RICTOR: variants seen among roughly 807,000 people sequenced by gnomAD.
RICTOR encodes the protein RPTOR independent companion of MTOR complex 2, also known as rapamycin-insensitive companion of mTOR.
Under a neutral mutation model 214.9 loss-of-function variants are expected in RICTOR, and 49 were observed. The ratio of observed to expected loss-of-function variants is 0.23; its 90% CI spans 0.18 to 0.29. The LOEUF (loss-of-function observed/expected upper bound fraction) is 0.29, where lower values mean the gene tolerates loss of function less well. Ranked by LOEUF, RICTOR falls within the 10% of genes least tolerant of loss-of-function variation. The pLI is 1.00. For missense variants in RICTOR, 1,625 were observed against 2,047.0 expected (o/e 0.79, Z 3.98); for synonymous variants, 717 against 711.3 (o/e 1.01, Z -0.13).
chr5:38,970,040 T>C (rs1188491510), intron 11 of RICTOR: 3 of 152,164 alleles, frequency 2.0e-5, no homozygotes, highest in African/African-American at 7.2e-5. Context: ...ACGAATTCCA[T>C]TGTGTTACAA....
intron 2 of RICTOR, among the ~76,000 whole-genome samples, chr5:39,039,227 A>G (rs1385085360): frequency 6.6e-6 from 1 of 152,222 alleles, no homozygotes; most frequent in Admixed American, 6.5e-5. Flanking sequence ...AGGATTCCCT[A>G]TTTAATAAAT....
chr5:39,010,967 T>C (rs1754461864), intron 3 of RICTOR, among the ~76,000 whole-genome samples: 1 of 152,148 alleles, frequency 6.6e-6, no homozygotes, highest in Non-Finnish European at 1.5e-5. Context: ...AAATTCAAGC[T>C]GGCCACAGAA....
At chr5:39,048,487 T>C (rs1757643093) in intron 2 of RICTOR, among the ~76,000 whole-genome samples, 1 of 152,142 alleles carries the variant, frequency 6.6e-6, no homozygotes, top group Non-Finnish European at 1.5e-5. Flanking sequence ...TACTTGGCAA[T>C]TCCTCAAATA....
intron 2 of RICTOR, among the ~76,000 whole-genome samples, chr5:39,034,657 C>T (rs1756530306): frequency 1.3e-5 from 2 of 152,230 alleles, no homozygotes; most frequent in Non-Finnish European, 2.9e-5. Flanking sequence ...AACGGCACAC[C>T]AGGAGATTAT....
intron 3 of RICTOR, among the ~76,000 whole-genome samples, chr5:39,006,223 T>C (rs1429574390): frequency 5.3e-5 from 8 of 152,236 alleles, no homozygotes; most frequent in African/African-American, 1.9e-4. Flanking sequence ...GGTTGGTGTC[T>C]GCACTTATTG....
At chr5:39,032,708 G>C (rs1756358391) in intron 2 of RICTOR, among the ~76,000 whole-genome samples, 1 of 152,272 alleles carries the variant, frequency 6.6e-6, no homozygotes, top group South Asian at 2.1e-4. Flanking sequence ...CCAGTGCCTA[G>C]GTAGGAAAAC....
chr5:38,953,052 G>A lies in RICTOR; in HGVS notation c.2830C>T (p.Gln944Ter). 6.2e-7 allele frequency: 1 copy of A among 1,609,008 alleles called. No homozygotes were observed. The highest frequency in any genetic ancestry group is 1.3e-5 in the African/African-American group (1 of 74,786). The change falls in exon 29 of 38, where the codon CAG becomes TAG. Residue 944 changes from glutamine (Q) to a stop codon, truncating the protein, a stop_gained. Coordinates refer to ENST00000357387, the MANE Select transcript of RICTOR (RefSeq NM_152756.5). LOFTEE classifies it high-confidence loss of function. ...GSSNWGLNLLQEENVIPDILK... is the reference protein window; with the variant it reads ...GSSNWGLNLL The stretch of plus-strand genomic sequence containing the variant: ...ATATCTGGAATCACGTTTTCTTCCT[G>A]TAGCAAATTGAGACCCCAATTTGAT...
At chr5:39,071,167 C>CA (rs1759292915) in intron 2 of RICTOR, among the ~76,000 whole-genome samples, 1 of 152,040 alleles carries the variant, frequency 6.6e-6, no homozygotes. Flanking sequence ...GTCCTGGTGT[C>CA]AGAGACAAAA....
chr5:38,984,967 AC>A (rs1752045421), intron 7 of RICTOR, among the ~76,000 whole-genome samples: 1 of 151,614 alleles, frequency 6.6e-6, no homozygotes, highest in Non-Finnish European at 1.5e-5. Flanking sequence ...CTATATGCGT[AC>A]CTTTTTTTTG....
At chr5:38,962,210 AATGT>A (rs1749855086) in intron 19 of RICTOR, 101 bp downstream of exon 19, 2 of 453,328 alleles carry the variant, frequency 4.4e-6, no homozygotes, top group African/African-American at 2.0e-5. Flanking sequence ...ACATTGTTAA[AATGT>A]ATGTATATGT....
At chr5:38,998,592 T>C (rs1362652407) in intron 5 of RICTOR, among the ~76,000 whole-genome samples, 1 of 152,184 alleles carries the variant, frequency 6.6e-6, no homozygotes, top group Non-Finnish European at 1.5e-5. Flanking sequence ...AAAATGGCAC[T>C]ACAAATAGAA....
intron 8 of RICTOR, 91 bp from the exon 9 acceptor site, chr5:38,978,741 T>A (rs1751443882): frequency 1.8e-5 from 11 of 617,606 alleles, no homozygotes; most frequent in Admixed American, 1.5e-4. Context: ...TTTCTCTCTA[T>A]CTTTAATGGG....
chr5:38,946,519 T>C lies in RICTOR; in HGVS notation c.4348A>G (p.Ile1450Val). ...KDIPYFQTKN[I>V]PPHDDRGARA... ...GCACCTCGATCATCATGTGGTGGTA[T>C]GTTTTTTGTCTGAAAATAGGGAATA... Residue 1450 changes from isoleucine (I) to valine (V), a missense_variant, in exon 33 of 38, where the codon ATA becomes GTA. Ile to Val is a conservative substitution (Grantham distance 29, BLOSUM62 3). This residue lies in a region of RICTOR where 1,214 missense variants were observed against 1,470.5 expected (regional missense o/e 0.83). Transcript: ENST00000357387. 6.2e-7 allele frequency: 1 copy of C among 1,611,474 alleles called. No individual in the cohort carries two copies. The highest frequency in any genetic ancestry group is 8.5e-7 in the Non-Finnish European group (1 of 1,177,674).
At position 38,940,223 on chromosome 5, in the gene RICTOR, G is replaced by T; in HGVS notation, c.*2081C>A. The T allele has an allele frequency of 4.3e-6, 1 of 230,946 alleles. No homozygotes were observed. Among genetic ancestry groups the T allele is most frequent in the Non-Finnish European group, 8.5e-6 (1 of 117,068 alleles). 14.3% of individuals were successfully genotyped at this position (230,946 alleles called of 1,614,324 possible). A position where few individuals can be genotyped will look rare whatever the true frequency, so the allele number is the denominator to read the frequency against. ...TAGATGACCAAGGTGAGGGTACAGGGATAGTGATGGTGGGGGAGGGGGTGT... is the reference window on the plus strand; with the variant it reads ...TAGATGACCAAGGTGAGGGTACAGGTATAGTGATGGTGGGGGAGGGGGTGT... On this transcript the variant is annotated 3_prime_UTR_variant, in exon 38 of 38. Coordinates refer to ENST00000357387, the MANE Select transcript of RICTOR (RefSeq NM_152756.5).
chr5:38,950,805 T>TG, intron 30 of RICTOR, 85 bp from the exon 31 acceptor site: 1 of 1,214,796 alleles, frequency 8.2e-7, no homozygotes, highest in East Asian at 2.5e-5. Context: ...TTCAGGAAAT[T>TG]TTTTTTTAGT....
rs557018978 is a variant in RICTOR, at chr5:39,041,965, T to G, written c.98-20829A>C. On this transcript the variant is annotated intron_variant, in intron 2 of 37. Coordinates refer to ENST00000357387, the MANE Select transcript of RICTOR (RefSeq NM_152756.5). ...CAAAAAAAAAAAAAAAAAAAAAAAT[T>G]TAATATGTTTAATTAAAAATGATTT... Among the ~76,000 whole-genome samples the G allele has an allele frequency of 1.2e-3, 176 of 150,158 alleles. 2 individuals are homozygous for G. Among genetic ancestry groups the G allele is most frequent in the Admixed American group, 9.9e-3 (149 of 15,056 alleles).
At chr5:38,959,415 A>C in intron 21 of RICTOR, 94 bp from the exon 22 acceptor site, 1 of 721,674 alleles carries the variant, frequency 1.4e-6, no homozygotes, top group Non-Finnish European at 2.2e-6. Flanking sequence ...CTGAAGTATA[A>C]ATGACAAATA....
At position 38,994,419 on chromosome 5, in the gene RICTOR, TAAAAAAAAAAA is replaced by T. The variant is rs869254811; in HGVS notation, c.456+2389_456+2399del. On this transcript the variant is annotated intron_variant, in intron 6 of 37. Transcript: ENST00000357387. Reference sequence around the variant, plus strand: ...TGTAGTACAGCTGCCAAGGTTTTACTAAAAAAAAAAAAAAAAAAAAAAAAAAAAAAAAAGTG... The same window carrying T: ...TGTAGTACAGCTGCCAAGGTTTTACTAAAAAAAAAAAAAAAAAAAAAAGTG... Among the ~76,000 whole-genome samples, 73 of 57,156 alleles carry T rather than the reference TAAAAAAAAAAA, an allele frequency of 1.3e-3. 1 individual carries two copies. In the South Asian group the frequency reaches 0.027, roughly 21 times the overall value. The allele number at this position is 57,156 out of a possible 152,430, so 37.5% of individuals were successfully genotyped here. A position where few individuals can be genotyped will look rare whatever the true frequency, so the allele number is the denominator to read the frequency against.
At chr5:38,992,066 T>A (rs1388913364) in intron 6 of RICTOR, among the ~76,000 whole-genome samples, 2 of 152,112 alleles carry the variant, frequency 1.3e-5, no homozygotes, top group Non-Finnish European at 2.9e-5. Context: ...AAAAGAAAGA[T>A]CTGTTTGATC....
Sources: allele counts gnomAD v4.1 joint callset (sites outside exome capture counted in the v4.1 genomes callset), GRCh38; gene constraint gnomAD v4.1.1; regional missense constraint gnomAD v4.1.1; transcripts MANE v1.5; gene names NCBI Gene and HGNC (gene_info 2026-07-23, HGNC 2026-07-21).